ZCCHC7: variants seen among roughly 807,000 people sequenced by gnomAD.
ZCCHC7 encodes the protein zinc finger CCHC domain-containing protein 7.
In ZCCHC7, 35 loss-of-function variants were observed where a neutral mutation model predicts 52.0. The ratio of observed to expected loss-of-function variants is 0.67; its 90% confidence interval spans 0.51 to 0.89. ZCCHC7 has a LOEUF of 0.89. Ranked by LOEUF, ZCCHC7 falls within the 40% of genes least tolerant of loss-of-function variation. The pLI, the probability that ZCCHC7 is intolerant of heterozygous loss-of-function variation, is 0.00. For synonymous variants in ZCCHC7, 217 were observed against 221.5 expected, an observed-to-expected ratio of 0.98 and a Z score of 0.18; for missense variants, 574 against 649.1, an observed-to-expected ratio of 0.88 and a Z score of 1.26.
Position 37,199,646 on chromosome 9 carries a change from TTCTG to T in ZCCHC7, c.610+72724_610+72727del, listed in dbSNP as rs567382955. On this transcript the variant is annotated intron_variant, in intron 2 of 8. Transcript: ENST00000336755. ...CCGTGCCCAGCCCTACTGTTTCTTT[TTCTG>T]TCTGTCTGTCTGTCTGTCTTTCTCT... Among the ~76,000 whole-genome samples, 830 of 143,534 alleles carry T rather than the reference TTCTG, an allele frequency of 5.8e-3. 8 individuals carry two copies. Among genetic ancestry groups the T allele is most frequent in the African/African-American group, 8.9e-3 (325 of 36,600 alleles). 94.2% of individuals were successfully genotyped at this position (143,534 alleles called of 152,430 possible).
intron 2 of ZCCHC7, among the ~76,000 whole-genome samples, chr9:37,235,738 C>T (rs905838336): frequency 4.6e-5 from 7 of 151,726 alleles, no homozygotes; most frequent in African/African-American, 1.7e-4. Flanking sequence ...TACAGGCACA[C>T]ACCACCATGC....
At chr9:37,343,310 C>T (rs1289981473) in intron 6 of ZCCHC7, among the ~76,000 whole-genome samples, 2 of 152,196 alleles carry the variant, frequency 1.3e-5, no homozygotes, top group Non-Finnish European at 2.9e-5. Context: ...CAGGCTCTGG[C>T]CTAACAGCAT....
At chr9:37,288,703 G>A (rs1828382837) in intron 2 of ZCCHC7, among the ~76,000 whole-genome samples, 2 of 152,026 alleles carry the variant, frequency 1.3e-5, no homozygotes. Context: ...CCCTATTGGT[G>A]GCATTTACCA....
chr9:37,163,958 C>T (rs1821259935), intron 2 of ZCCHC7, among the ~76,000 whole-genome samples: 1 of 151,920 alleles, frequency 6.6e-6, no homozygotes, highest in African/African-American at 2.4e-5. Context: ...ATTATTTTTT[C>T]AGTTTTGTTG....
chr9:37,170,832 T>C (rs1291609533), intron 2 of ZCCHC7, among the ~76,000 whole-genome samples: 1 of 152,200 alleles, frequency 6.6e-6, no homozygotes, highest in Admixed American at 6.5e-5. Context: ...AGCACCTTTC[T>C]TAACCTCTGG....
chr9:37,157,999 C>T lies in ZCCHC7; in HGVS notation c.610+31057C>T, dbSNP rs537998766. On this transcript the variant is annotated intron_variant, in intron 2 of 8. Coordinates refer to ENST00000336755, the MANE Select transcript of ZCCHC7 (RefSeq NM_032226.3). ...AGGAGATATTTGCACTGCCATGTTACGTTAGAGTATATACAGAATATACTT... is the reference window on the plus strand; with the variant it reads ...AGGAGATATTTGCACTGCCATGTTATGTTAGAGTATATACAGAATATACTT... Among the ~76,000 whole-genome samples, 11 of 152,282 alleles carry T rather than the reference C, an allele frequency of 7.2e-5. No individual in the cohort carries two copies. The East Asian group carries it at 1.7e-3, about 24-fold the overall frequency.
intron 2 of ZCCHC7, among the ~76,000 whole-genome samples, chr9:37,223,796 G>T (rs1023671342): frequency 6.6e-6 from 1 of 152,078 alleles, no homozygotes; most frequent in African/African-American, 2.4e-5. Context: ...GTAATGAATT[G>T]TTTGCTGTGG....
At chr9:37,332,029 A>G (rs1830469589) in intron 6 of ZCCHC7, among the ~76,000 whole-genome samples, 1 of 151,642 alleles carries the variant, frequency 6.6e-6, no homozygotes, top group African/African-American at 2.4e-5. Flanking sequence ...TGGTAGTTCA[A>G]CTTACTTTGC....
chr9:37,283,822 A>G (rs187008239), intron 2 of ZCCHC7, among the ~76,000 whole-genome samples: 32 of 152,252 alleles, frequency 2.1e-4, no homozygotes, highest in East Asian at 1.5e-3. Flanking sequence ...CCCAAGTTCT[A>G]TATTGTGCTT....
At position 37,210,640 on chromosome 9, in the gene ZCCHC7, G is replaced by T. The variant is rs1054268001; in HGVS notation, c.610+83698G>T. ...TATAACTATTTAACCAGCATCTAAGGCAATTCATAATATGCCCCAACCTAC... is the reference window on the plus strand; with the variant it reads ...TATAACTATTTAACCAGCATCTAAGTCAATTCATAATATGCCCCAACCTAC... On this transcript the variant is annotated intron_variant, in intron 2 of 8. Transcript: ENST00000336755. Among the ~76,000 whole-genome samples the T allele has an allele frequency of 2.6e-5, 4 of 152,154 alleles. No homozygotes were observed. In the East Asian group the frequency reaches 7.7e-4, roughly 29 times the overall value.
intron 2 of ZCCHC7, among the ~76,000 whole-genome samples, chr9:37,260,249 C>G (rs1322518658): frequency 1.3e-5 from 2 of 152,210 alleles, no homozygotes; most frequent in African/African-American, 2.4e-5. Flanking sequence ...CTGAGCCGCT[C>G]TTTCATGGGG....
At chr9:37,287,040 CTGT>C (rs1470809177) in intron 2 of ZCCHC7, among the ~76,000 whole-genome samples, 2 of 87,556 alleles carry the variant, frequency 2.3e-5, no homozygotes, top group Non-Finnish European at 4.5e-5. Flanking sequence ...TTCCTCTCTG[CTGT>C]TGTTGAAACA....
chr9:37,285,669 A>G (rs965350940), intron 2 of ZCCHC7, among the ~76,000 whole-genome samples: 6 of 152,240 alleles, frequency 3.9e-5, no homozygotes, highest in Non-Finnish European at 7.4e-5. Flanking sequence ...GTTGCTGCTT[A>G]TATAAATAGA....
In ZCCHC7 at chr9:37,193,774, A is replaced by G. The variant is rs189950510; in HGVS notation, c.610+66832A>G. Reference sequence around the variant, plus strand: ...GTGGTAATCCTGCCCTGCTCTTACTACAAAAGCTGGGCACATATCTACCAA... The same window carrying G: ...GTGGTAATCCTGCCCTGCTCTTACTGCAAAAGCTGGGCACATATCTACCAA... On this transcript the variant is annotated intron_variant, in intron 2 of 8. Transcript: ENST00000336755. 2.7e-3 allele frequency among the ~76,000 whole-genome samples: 405 copies of G among 152,278 alleles called. 2 individuals carry two copies. Among genetic ancestry groups the G allele is most frequent in the African/African-American group, 9.0e-3 (375 of 41,550 alleles).
chr9:37,184,272 A>G (rs1393088330), intron 2 of ZCCHC7, among the ~76,000 whole-genome samples: 9 of 152,176 alleles, frequency 5.9e-5, no homozygotes, highest in Non-Finnish European at 1.0e-4. Flanking sequence ...CTAAGAATCA[A>G]CTTGGTCTAT....
At chr9:37,349,308 T>G (rs1452300814) in intron 6 of ZCCHC7, 49 bp from the exon 7 acceptor site, 2 of 1,587,462 alleles carry the variant, frequency 1.3e-6, no homozygotes, top group African/African-American at 1.4e-5. Context: ...GAATGAGGTT[T>G]TAATTTTCTT....
chr9:37,341,746 G>T (rs583706), intron 6 of ZCCHC7, among the ~76,000 whole-genome samples: 1 of 152,038 alleles, frequency 6.6e-6, no homozygotes, highest in African/African-American at 2.4e-5. Flanking sequence ...TTGAGCCAAG[G>T]CTTGAAGGAA....
chr9:37,130,738 C>T (rs1040355896), intron 2 of ZCCHC7, among the ~76,000 whole-genome samples: 42 of 151,668 alleles, frequency 2.8e-4, no homozygotes, highest in African/African-American at 8.9e-4. Context: ...CCTCGTGATC[C>T]GCCTGCCTCG....
rs549348847 is a variant in ZCCHC7, at chr9:37,151,527, G to A, written c.610+24585G>A. On this transcript the variant is annotated intron_variant, in intron 2 of 8. Coordinates refer to ENST00000336755, the MANE Select transcript of ZCCHC7 (RefSeq NM_032226.3). ...TCTGTAACAAATTCTTTTTCTGGCTGGGTGTGGTGGCTCACGCCTGTAATT... is the reference window on the plus strand; with the variant it reads ...TCTGTAACAAATTCTTTTTCTGGCTAGGTGTGGTGGCTCACGCCTGTAATT... 2.6e-5 allele frequency among the ~76,000 whole-genome samples: 4 copies of A among 152,200 alleles called. No homozygotes were observed. The East Asian group carries it at 7.7e-4, about 29-fold the overall frequency.
Sources: gnomAD v4.1 joint callset for allele counts (sites outside exome capture counted in the v4.1 genomes callset) on GRCh38, gnomAD v4.1.1 for gene constraint, MANE v1.5 for transcripts, NCBI Gene and HGNC (gene_info 2026-07-23, HGNC 2026-07-21) for gene names.